Variants in ENPP1 observed in about 807,000 individuals in gnomAD.
The protein encoded by ENPP1 is ectonucleotide pyrophosphatase/phosphodiesterase 1, also known as ectonucleotide pyrophosphatase/phosphodiesterase family member 1.
In ENPP1, 73 loss-of-function variants were observed where a neutral mutation model predicts 122.8. The ratio of observed to expected loss-of-function variants is 0.59; its 90% CI spans 0.49 to 0.72. The LOEUF (loss-of-function observed/expected upper bound fraction) is 0.72, where lower values mean the gene tolerates loss of function less well. Among genes scored for constraint, ENPP1 ranks in the 30% least tolerant of loss-of-function variants. The probability of loss-of-function intolerance (pLI) is 0.00; values close to 1 mark genes in which losing one functional copy is unlikely to be tolerated. For missense variants in ENPP1, 978 were observed against 1,128.1 expected (o/e 0.87, Z 1.91); for synonymous variants, 367 against 391.6 (o/e 0.94, Z 0.74).
At chr6:131,846,212 T>C (rs969301872) in intron 1 of ENPP1, among the ~76,000 whole-genome samples, 7 of 152,178 alleles carry the variant, frequency 4.6e-5, no homozygotes, top group Non-Finnish European at 1.0e-4. Context: ...AACCATCTAC[T>C]TGGTCCTATT....
intron 1 of ENPP1, among the ~76,000 whole-genome samples, chr6:131,817,586 G>T (rs1781429698): frequency 6.6e-6 from 1 of 152,062 alleles, no homozygotes; most frequent in African/African-American, 2.4e-5. Flanking sequence ...AGTTTTGATA[G>T]AAAGTGATTT....
chr6:131,851,175 G>T lies in ENPP1; in HGVS notation c.464G>T (p.Gly155Val). The change falls in exon 4 of 25, where the codon GGT becomes GTT. Residue 155 changes from glycine to valine, a missense_variant. By Grantham distance (109) the Gly-to-Val change is moderately radical (BLOSUM62 -3). Around this residue, in one of 3 missense-constraint regions of ENPP1, gnomAD observed 330 missense variants for 328.5 expected, o/e 1.00. Transcript: ENST00000647893. The part of the protein sequence containing the change: ...HIWTCNKFRC[G>V]EKRLTRSLCA... ...TGGACTTGCAACAAATTCAGGTGTG[G>T]TGAGAAAAGGTTGACCAGAAGCCTC... is the stretch of plus-strand genomic sequence containing the variant. 6.2e-7 allele frequency: 1 copy of T among 1,614,098 alleles called. No homozygotes were observed. Among genetic ancestry groups the T allele is most frequent in the Non-Finnish European group, 8.5e-7 (1 of 1,179,960 alleles).
chr6:131,833,222 T>A (rs1159347853), intron 1 of ENPP1, among the ~76,000 whole-genome samples: 81 of 152,212 alleles, frequency 5.3e-4, no homozygotes, highest in Admixed American at 1.1e-3. Context: ...TCAGAGCTTG[T>A]GATTATCAGT....
At chr6:131,821,644 T>C (rs944227073) in intron 1 of ENPP1, among the ~76,000 whole-genome samples, 3 of 152,256 alleles carry the variant, frequency 2.0e-5, no homozygotes, top group Admixed American at 1.3e-4. Flanking sequence ...AATTGCTCTT[T>C]ATTGCCCTTA....
intron 1 of ENPP1, among the ~76,000 whole-genome samples, chr6:131,840,381 G>C (rs1402549377): frequency 3.3e-5 from 5 of 152,190 alleles, no homozygotes; most frequent in Admixed American, 2.0e-4. Context: ...TTAATGCACT[G>C]GTTTATGGCA....
In ENPP1 at chr6:131,877,866, AATATATATATAT is replaced by A. The variant is rs35142604; in HGVS notation, c.1894-654_1894-643del. 48 of 53,024 alleles carry A rather than the reference AATATATATATAT, an allele frequency of 9.1e-4. 1 individual carries two copies. In the South Asian group the frequency reaches 0.015, roughly 17 times the overall value. 3.3% of individuals were successfully genotyped at this position (53,024 alleles called of 1,614,324 possible). ...AAAAAAAAAAAAAAAAAAAAAAAAA[AATATATATATAT>A]ATATATATATATATATATATAGCAA... On this transcript the variant is annotated intron_variant, in intron 18 of 24. Transcript: ENST00000647893.
intron 9 of ENPP1, 116 bp from the exon 10 acceptor site, chr6:131,864,390 C>A: frequency 1.4e-6 from 1 of 710,946 alleles, no homozygotes; most frequent in Non-Finnish European, 2.5e-6. Flanking sequence ...ATTTCAAACA[C>A]AATAGATGCG....
chr6:131,875,640 G>C (rs1782222433), intron 16 of ENPP1, 136 bp from the exon 17 acceptor site: 1 of 713,054 alleles, frequency 1.4e-6, no homozygotes, highest in Admixed American at 2.1e-5. Flanking sequence ...TTCCCACAAA[G>C]TCCACTGAGC....
At chr6:131,879,493 A>G (rs9493116) in intron 19 of ENPP1, among the ~76,000 whole-genome samples, 20,124 of 152,136 alleles carry the variant, frequency 0.13, 1,995 homozygotes, top group African/African-American at 0.27. Flanking sequence ...CATAATTTCA[A>G]TTCTGAACTT....
At chr6:131,850,851 A>G (rs1781871549) in intron 3 of ENPP1, among the ~76,000 whole-genome samples, 1 of 152,256 alleles carries the variant, frequency 6.6e-6, no homozygotes, top group South Asian at 2.1e-4. Flanking sequence ...ATTAAATTTT[A>G]GCAGGTAGAA....
chr6:131,890,429 G>A lies in ENPP1; in HGVS notation c.2696G>A (p.Ser899Asn). ...ITDVEHITGL[S>N]FYQQRKEPVS... ...GATGTTGAGCACATCACTGGACTCA[G>A]CTTCTATCAACAAAGAAAAGAGCCA... The change falls in exon 25 of 25, where the codon AGC becomes AAC. Residue 899 changes from serine (S) to asparagine (N), a missense_variant. Ser to Asn is a conservative substitution (Grantham distance 46). Coordinates refer to ENST00000647893, the MANE Select transcript of ENPP1 (RefSeq NM_006208.3). 1.9e-6 allele frequency: 3 copies of A among 1,612,924 alleles called. No homozygotes were observed. Among genetic ancestry groups the A allele is most frequent in the Non-Finnish European group, 2.5e-6 (3 of 1,178,886 alleles).
chr6:131,811,502 C>T (rs916056875), intron 1 of ENPP1, among the ~76,000 whole-genome samples: 1 of 151,768 alleles, frequency 6.6e-6, no homozygotes, highest in Non-Finnish European at 1.5e-5. Flanking sequence ...TCAAGTTGCC[C>T]TGAGTAGATG....
rs1782277218 is a variant in ENPP1 at position 131,879,766 on chromosome 6, T to TAAAAGTA, written c.1946-111_1946-105dup. The TAAAAGTA allele has an allele frequency of 6.1e-6, 6 of 979,206 alleles. No homozygotes were observed. In the Admixed American group the frequency reaches 1.2e-4, roughly 19 times the overall value. 60.7% of individuals were successfully genotyped at this position (979,206 alleles called of 1,614,324 possible). On this transcript the variant is annotated intron_variant, in intron 19 of 24. Transcript: ENST00000647893. Reference sequence around the variant, plus strand: ...CTTTGTAATCAGTTTTTTTAATAGTTAAAAGTAAATCTTCAATATAATTAA... The same window carrying TAAAAGTA: ...CTTTGTAATCAGTTTTTTTAATAGTTAAAAGTAAAAAGTAAATCTTCAATATAATTAA...
At chr6:131,840,299 T>C (rs962939193) in intron 1 of ENPP1, among the ~76,000 whole-genome samples, 1 of 152,240 alleles carries the variant, frequency 6.6e-6, no homozygotes, top group Non-Finnish European at 1.5e-5. Flanking sequence ...CTCAGATTCC[T>C]TGCTCCTGCA....
Position 131,834,479 on chromosome 6 carries a change from C to G in ENPP1, c.241-13297C>G, listed in dbSNP as rs572452882. Reference sequence around the variant, plus strand: ...CAAGACAAGCTTCTCATTCTAATAGCCTGTGTTCAACCAAGAATCTTATGC... The same window carrying G: ...CAAGACAAGCTTCTCATTCTAATAGGCTGTGTTCAACCAAGAATCTTATGC... On this transcript the variant is annotated intron_variant, in intron 1 of 24. Transcript: ENST00000647893. Among the ~76,000 whole-genome samples the G allele has an allele frequency of 5.9e-5, 9 of 151,826 alleles. No homozygotes were observed. In the South Asian group the frequency reaches 1.7e-3, roughly 28 times the overall value.
intron 1 of ENPP1, among the ~76,000 whole-genome samples, chr6:131,817,316 A>C (rs1781427000): frequency 6.6e-6 from 1 of 152,156 alleles, no homozygotes; most frequent in Non-Finnish European, 1.5e-5. Flanking sequence ...AACAATGTGT[A>C]ATTAGAACCT....
intron 1 of ENPP1, among the ~76,000 whole-genome samples, chr6:131,837,520 C>CAAA (rs34431136): frequency 9.8e-5 from 8 of 81,924 alleles, no homozygotes; most frequent in Admixed American, 4.3e-4. Context: ...GACTCTGTCT[C>CAAA]AAAAAAAAAA....
At chr6:131,875,209 TAA>T (rs1782214268) in intron 16 of ENPP1, among the ~76,000 whole-genome samples, 2 of 152,150 alleles carry the variant, frequency 1.3e-5, no homozygotes, top group African/African-American at 4.8e-5. Context: ...CCTAAATTCA[TAA>T]AGTTAAAAAA....
At chr6:131,835,181 T>G (rs1781659591) in intron 1 of ENPP1, among the ~76,000 whole-genome samples, 1 of 152,244 alleles carries the variant, frequency 6.6e-6, no homozygotes, top group South Asian at 2.1e-4. Context: ...AATTTTAATG[T>G]GTAATTTACT....
Sources: gnomAD v4.1 joint callset for allele counts (sites outside exome capture counted in the v4.1 genomes callset) on GRCh38, gnomAD v4.1.1 for gene constraint, gnomAD v4.1.1 regional missense constraint, MANE v1.5 for transcripts, NCBI Gene and HGNC (gene_info 2026-07-23, HGNC 2026-07-21) for gene names.